Variants in RAI14 observed in about 807,000 individuals in gnomAD.
RAI14 encodes the protein retinoic acid induced 14, also known as ankycorbin.
A neutral mutation model predicts 115.4 loss-of-function variants in RAI14; 45 were observed. The ratio of observed to expected loss-of-function variants is 0.39; its 90% CI spans 0.31 to 0.50. The LOEUF (loss-of-function observed/expected upper bound fraction) is 0.50. Ranked by LOEUF, RAI14 falls within the 20% of genes least tolerant of loss-of-function variation. RAI14 has a pLI of 0.85. For missense variants in RAI14, 939 were observed against 1,131.2 expected (o/e 0.83, Z 2.44); for synonymous variants, 371 against 415.4 (o/e 0.89, Z 1.30).
chr5:34,658,811 ATAAATAAG>A (rs1464456978), intron 1 of RAI14, among the ~76,000 whole-genome samples: 1 of 151,986 alleles, frequency 6.6e-6, no homozygotes, highest in Non-Finnish European at 1.5e-5. Flanking sequence ...AAATAAATAA[ATAAATAAG>A]TATGAAATAT....
intron 2 of RAI14, among the ~76,000 whole-genome samples, chr5:34,699,478 A>G (rs78562167): frequency 6.6e-6 from 1 of 152,142 alleles, no homozygotes; most frequent in East Asian, 1.9e-4. Flanking sequence ...TCTCTGCCTC[A>G]TCTTTGTATA....
intron 3 of RAI14, among the ~76,000 whole-genome samples, chr5:34,786,220 T>TGG: frequency 6.6e-6 from 1 of 152,244 alleles, no homozygotes; most frequent in African/African-American, 2.4e-5. Context: ...CCTGTTGATC[T>TGG]GGGGGGGTGT....
chr5:34,677,803 T>C (rs1477033542), intron 1 of RAI14, among the ~76,000 whole-genome samples: 1 of 152,218 alleles, frequency 6.6e-6, no homozygotes, highest in East Asian at 1.9e-4. Context: ...AACTGCTAAA[T>C]ACTCTTAATT....
intron 16 of RAI14, 58 bp from the exon 17 acceptor site, chr5:34,829,674 T>C (rs1188634954): frequency 1.4e-6 from 2 of 1,470,100 alleles, no homozygotes; most frequent in Non-Finnish European, 1.9e-6. Context: ...TAGTTTTTTG[T>C]TTTTGTTCTT....
intron 2 of RAI14, among the ~76,000 whole-genome samples, chr5:34,701,488 C>G (rs181725704): frequency 6.6e-6 from 1 of 152,322 alleles, no homozygotes; most frequent in South Asian, 2.1e-4. Context: ...TTGGTCTCCA[C>G]AATCTTTATC....
At chr5:34,664,332 A>T (rs1328573161) in intron 1 of RAI14, among the ~76,000 whole-genome samples, 2 of 144,312 alleles carry the variant, frequency 1.4e-5, no homozygotes, top group Non-Finnish European at 1.5e-5. Context: ...TATCTACTTT[A>T]AAAAAAAAAA....
intron 2 of RAI14, chr5:34,688,010 TAAAG>T: frequency 7.5e-7 from 1 of 1,332,540 alleles, no homozygotes; most frequent in Non-Finnish European, 1.0e-6. Context: ...CCGACCCACT[TAAAG>T]AAAGAACTGG....
intron 3 of RAI14, among the ~76,000 whole-genome samples, chr5:34,781,188 C>A (rs1167602283): frequency 7.7e-6 from 1 of 129,264 alleles, no homozygotes; most frequent in Non-Finnish European, 1.5e-5. Context: ...CACTTGGACA[C>A]AGGAAGGGGA....
intron 15 of RAI14, chr5:34,825,934 G>A (rs1757392362): frequency 6.5e-6 from 1 of 153,726 alleles, no homozygotes; most frequent in African/African-American, 2.4e-5. Context: ...CCTTATTCCT[G>A]ATCACCCATG....
intron 2 of RAI14, chr5:34,687,803 G>C: frequency 6.7e-7 from 1 of 1,493,474 alleles, no homozygotes; most frequent in Non-Finnish European, 9.1e-7. Context: ...TTATTGCTTT[G>C]CCGTGAATTA....
Position 34,683,847 on chromosome 5 carries a change from C to T in RAI14, c.-48-3025C>T, listed in dbSNP as rs113328659. Among the ~76,000 whole-genome samples the T allele has an allele frequency of 1.6e-3, 241 of 152,224 alleles. 1 individual carries two copies. The highest frequency in any genetic ancestry group is 5.5e-3 in the African/African-American group (229 of 41,536). Reference sequence around the variant, plus strand: ...GGTTCACGCCATTCTCCTGCCTTAGCCTCCCGAGTGGCTGGGACTACAGGC... The same window carrying T: ...GGTTCACGCCATTCTCCTGCCTTAGTCTCCCGAGTGGCTGGGACTACAGGC... On this transcript the variant is annotated intron_variant, in intron 1 of 17. Coordinates refer to ENST00000265109, the MANE Select transcript of RAI14 (RefSeq NM_015577.3).
chr5:34,798,988 T>C (rs3797216), intron 4 of RAI14, among the ~76,000 whole-genome samples: 63,738 of 152,062 alleles, frequency 0.42, 13,849 homozygotes, highest in Admixed American at 0.53. Flanking sequence ...CATCGTTTTA[T>C]TTTGGCCTGA....
intron 2 of RAI14, among the ~76,000 whole-genome samples, chr5:34,718,155 T>C (rs1742222921): frequency 6.6e-6 from 1 of 152,128 alleles, no homozygotes; most frequent in African/African-American, 2.4e-5. Context: ...GCTAGCAAAT[T>C]AGTGAATTGT....
At chr5:34,693,961 C>G (rs1457618884) in intron 2 of RAI14, among the ~76,000 whole-genome samples, 1 of 152,218 alleles carries the variant, frequency 6.6e-6, no homozygotes, top group African/African-American at 2.4e-5. Flanking sequence ...GGAGGAAGAA[C>G]AGATGCTGCT....
rs1397423864 is a variant in RAI14, at chr5:34,811,839, C to T, written c.630C>T (p.Asp210=). ...AAGCCTTAATTAAAAAGGGTGCAGA[C>T]CTAAACCTTGTAGATTCTCTTGGAT... ...AVEALIKKGA[D]LNLVDSLGYN... is the part of the protein sequence containing the mutation. The change falls in exon 9 of 18, where the codon GAC becomes GAT. Residue 210 remains aspartate, a synonymous_variant. Coordinates refer to ENST00000265109, the MANE Select transcript of RAI14 (RefSeq NM_015577.3). The T allele has an allele frequency of 6.2e-7, 1 of 1,613,164 alleles. No individual in the cohort carries two copies. The highest frequency in any genetic ancestry group is 2.2e-5 in the East Asian group (1 of 44,850).
At chr5:34,757,423 TG>T in intron 2 of RAI14, 44 bp from the exon 3 acceptor site, 1 of 1,604,658 alleles carries the variant, frequency 6.2e-7, no homozygotes, top group Non-Finnish European at 8.5e-7. Flanking sequence ...AGTGCGGCTG[TG>T]GCCAGTGTTG....
chr5:34,732,370 T>C (rs1430441968), intron 2 of RAI14, among the ~76,000 whole-genome samples: 3 of 151,990 alleles, frequency 2.0e-5, no homozygotes, highest in Non-Finnish European at 4.4e-5. Flanking sequence ...TTTACCAAGA[T>C]AGTTCTAATC....
intron 14 of RAI14, among the ~76,000 whole-genome samples, chr5:34,822,664 C>CTTTTTCTTTTTTTTTTTT (rs1756991248): frequency 2.1e-5 from 1 of 47,534 alleles, no homozygotes; most frequent in African/African-American, 6.6e-5. Flanking sequence ...CCTTTGGTAT[C>CTTTTTCTTTTTTTTTTTT]TTTTTTTTTT....
chr5:34,700,638 AG>A (rs1227607486), intron 2 of RAI14, among the ~76,000 whole-genome samples: 1 of 152,216 alleles, frequency 6.6e-6, no homozygotes, highest in Non-Finnish European at 1.5e-5. Context: ...CAGAAATAAA[AG>A]GTCAGTAGGG....
Sources: allele counts gnomAD v4.1 joint callset (sites outside exome capture counted in the v4.1 genomes callset), GRCh38; gene constraint gnomAD v4.1.1; transcripts MANE v1.5; gene names NCBI Gene and HGNC (gene_info 2026-07-23, HGNC 2026-07-21).